Variants in WDR72 observed in about 807,000 individuals in gnomAD.
The protein encoded by WDR72 is WD repeat domain 72, also known as WD repeat-containing protein 72.
WDR72 carries 120 observed loss-of-function variants against 124.2 expected under a neutral mutation model. The ratio of observed to expected loss-of-function variants is 0.97; its 90% CI spans 0.83 to 1.12. The LOEUF is 1.12. Among genes scored for constraint, WDR72 ranks in the 50% most tolerant of loss-of-function variants. The probability of loss-of-function intolerance (pLI) is 0.00; values close to 1 mark genes in which losing one functional copy is unlikely to be tolerated. For missense variants in WDR72, 1,387 were observed against 1,278.8 expected (o/e 1.08, Z -1.29); for synonymous variants, 452 against 441.7 (o/e 1.02, Z -0.29).
intron 4 of WDR72, among the ~76,000 whole-genome samples, chr15:53,716,093 AG>A (rs2017697688): frequency 6.6e-6 from 1 of 152,204 alleles, no homozygotes; most frequent in African/African-American, 2.4e-5. Context: ...AAACACGGTC[AG>A]CACCATTGGA....
intron 18 of WDR72, among the ~76,000 whole-genome samples, chr15:53,548,080 C>A (rs890399140): frequency 6.6e-6 from 1 of 152,184 alleles, no homozygotes; most frequent in African/African-American, 2.4e-5. Context: ...TGTGAGGCCA[C>A]CTTATCTGGT....
rs543211037 is a variant in WDR72, at chr15:53,658,993, G to A, written c.1962+6579C>T. On this transcript the variant is annotated intron_variant, in intron 14 of 19. Transcript: ENST00000360509. ...CTGTCAAAGCCACTCTTTAACAGCT[G>A]GAGTCAAATTGCACTATTTACAGCA... Among the ~76,000 whole-genome samples, 52 of 152,270 alleles carry A rather than the reference G, an allele frequency of 3.4e-4. No homozygotes were observed. The South Asian group carries it at 0.011, about 32-fold the overall frequency.
intron 10 of WDR72, among the ~76,000 whole-genome samples, 189 bp downstream of exon 10, chr15:53,705,738 C>T (rs557747427): frequency 6.6e-6 from 1 of 152,340 alleles, no homozygotes; most frequent in East Asian, 1.9e-4. Flanking sequence ...GCTAGGATTA[C>T]AGGCATGAGC....
At chr15:53,745,605 A>G (rs1198483000) in intron 1 of WDR72, among the ~76,000 whole-genome samples, 4 of 152,238 alleles carry the variant, frequency 2.6e-5, no homozygotes, top group Non-Finnish European at 5.9e-5. Context: ...AGTATACACT[A>G]TGTAATATTT....
In WDR72 at chr15:53,615,793, A is replaced by G; in HGVS notation, c.2413T>C (p.Trp805Arg). The change falls in exon 15 of 20, where the codon TGG (tryptophan) becomes CGG (arginine). Residue 805 changes from tryptophan to arginine, a missense_variant. Physicochemically the swap from Trp to Arg is moderately radical, Grantham distance 101. Coordinates refer to ENST00000360509, the MANE Select transcript of WDR72 (RefSeq NM_182758.4). ...TAATCTAAATCTTTATCCACTCCCC[A>G]TGGCAAAAGGCAAGACAGAAACAAT... Reference protein sequence around the residue: ...AKLFLSCLLPWGVDKDLDYLC... With the variant: ...AKLFLSCLLPRGVDKDLDYLC... The G allele has an allele frequency of 1.2e-6, 2 of 1,613,606 alleles. No individual in the cohort carries two copies. The highest frequency in any genetic ancestry group is 1.7e-6 in the Non-Finnish European group (2 of 1,179,684).
intron 3 of WDR72, among the ~76,000 whole-genome samples, chr15:53,721,568 T>C (rs2017877441): frequency 6.6e-6 from 1 of 152,176 alleles, no homozygotes; most frequent in South Asian, 2.1e-4. Context: ...CTCTAAATAT[T>C]ACAATTAATG....
At chr15:53,710,733 T>C (rs2017508942) in intron 9 of WDR72, 124 bp downstream of exon 9, 10 of 789,714 alleles carry the variant, frequency 1.3e-5, no homozygotes, top group Non-Finnish European at 2.2e-6. Flanking sequence ...GATTTTCTCA[T>C]TAACAACTTG....
chr15:53,678,803 G>T (rs1157390601), intron 13 of WDR72, among the ~76,000 whole-genome samples: 1 of 151,846 alleles, frequency 6.6e-6, no homozygotes, highest in South Asian at 2.1e-4. Context: ...TTGACTTCTG[G>T]GTATATACCA....
At chr15:53,564,261 A>T (rs1049220210) in intron 18 of WDR72, among the ~76,000 whole-genome samples, 3 of 151,844 alleles carry the variant, frequency 2.0e-5, no homozygotes, top group East Asian at 3.9e-4. Flanking sequence ...AGGCAAATTT[A>T]TATGAGGAAT....
At chr15:53,529,164 A>ATTTT (rs1221581823) in intron 18 of WDR72, among the ~76,000 whole-genome samples, 1 of 78,168 alleles carries the variant, frequency 1.3e-5, no homozygotes, top group African/African-American at 5.0e-5. Context: ...ATATATATAT[A>ATTTT]TTTTTTTTTT....
chr15:53,561,470 G>T (rs1894122442), intron 18 of WDR72, among the ~76,000 whole-genome samples: 1 of 151,682 alleles, frequency 6.6e-6, no homozygotes, highest in Admixed American at 6.6e-5. Flanking sequence ...TAAAATAAGT[G>T]CATACTTTGC....
In WDR72 at chr15:53,615,872, C is replaced by T; in HGVS notation, c.2334G>A (p.Met778Ile). ...CTACTTTTCTTGATGGCTTAGGCTG[C>T]ATTTTTTTGGAGATCTTCATTTTCT... ...RQKKMKISKK[M>I]QPKPSRKVDA... The change falls in exon 15 of 20, where the codon ATG becomes ATA. Residue 778 changes from methionine to isoleucine, a missense_variant. Transcript: ENST00000360509. The T allele has an allele frequency of 6.2e-7, 1 of 1,613,614 alleles. No homozygotes were observed. The highest frequency in any genetic ancestry group is 1.1e-5 in the South Asian group (1 of 91,080).
chr15:53,746,002 TA>T (rs150462815), intron 1 of WDR72, among the ~76,000 whole-genome samples: 2 of 152,196 alleles, frequency 1.3e-5, no homozygotes, highest in African/African-American at 4.8e-5. Flanking sequence ...TTGGTTGTTC[TA>T]AAAAAAGAAA....
At chr15:53,615,319 C>T (rs2013709941) in intron 15 of WDR72, 107 bp downstream of exon 15, 2 of 859,450 alleles carry the variant, frequency 2.3e-6, no homozygotes, top group Admixed American at 2.7e-5. Flanking sequence ...ATACTTACCC[C>T]CCACTGGAAA....
At chr15:53,609,626 A>G in intron 16 of WDR72, 34 bp from the exon 17 acceptor site, 1 of 1,574,996 alleles carries the variant, frequency 6.3e-7, no homozygotes, top group Non-Finnish European at 8.7e-7. Context: ...GTATCTTTAG[A>G]GTATTAAAAA....
Position 53,678,832 on chromosome 15 carries a change from G to A in WDR72, c.1766-13064C>T, listed in dbSNP as rs546040377. ...TATACCAAAATTGACTGAAAACAAC[G>A]ATATGAATAGATATTTGTATACCCA... On this transcript the variant is annotated intron_variant, in intron 13 of 19. Coordinates refer to ENST00000360509, the MANE Select transcript of WDR72 (RefSeq NM_182758.4). 2.2e-4 allele frequency among the ~76,000 whole-genome samples: 33 copies of A among 152,234 alleles called. No homozygotes were observed. The South Asian group carries it at 6.4e-3, about 30-fold the overall frequency.
At chr15:53,523,574 C>T (rs1260557488) in intron 18 of WDR72, among the ~76,000 whole-genome samples, 1 of 152,000 alleles carries the variant, frequency 6.6e-6, no homozygotes. Context: ...TTAAAAGCTA[C>T]AAAGTAACAA....
intron 18 of WDR72, among the ~76,000 whole-genome samples, chr15:53,563,260 A>C (rs972096932): frequency 1.3e-5 from 2 of 151,802 alleles, no homozygotes; most frequent in African/African-American, 4.8e-5. Context: ...TAAAGTTAAC[A>C]AGCAGACTAA....
chr15:53,677,922 G>T (rs887734200), intron 13 of WDR72, among the ~76,000 whole-genome samples: 2 of 152,174 alleles, frequency 1.3e-5, no homozygotes, highest in Non-Finnish European at 2.9e-5. Flanking sequence ...GCAAAGAAAT[G>T]GAAGATCAGG....
Sources: allele counts gnomAD v4.1 joint callset (sites outside exome capture counted in the v4.1 genomes callset), GRCh38; gene constraint gnomAD v4.1.1; transcripts MANE v1.5; gene names NCBI Gene and HGNC (gene_info 2026-07-23, HGNC 2026-07-21).